EPB41L5: variants seen among roughly 807,000 people sequenced by gnomAD.
The protein encoded by EPB41L5 is erythrocyte membrane protein band 4.1 like 5, also known as band 4.1-like protein 5.
A neutral mutation model predicts 106.6 loss-of-function variants in EPB41L5; 55 were observed. The observed-to-expected ratio is 0.52, with a 90% CI of 0.42 to 0.65. EPB41L5 has a LOEUF of 0.65. Ranked by LOEUF, EPB41L5 falls within the 30% of genes least tolerant of loss-of-function variation. The pLI is 0.00. For synonymous variants in EPB41L5, 297 were observed against 306.7 expected, an observed-to-expected ratio of 0.97 and a Z score of 0.33; for missense variants, 871 against 882.1, an observed-to-expected ratio of 0.99 and a Z score of 0.16.
At chr2:120,087,115 C>T (rs2105356618) in intron 10 of EPB41L5, 56 bp from the exon 11 acceptor site, 2 of 1,096,916 alleles carry the variant, frequency 1.8e-6, no homozygotes, top group East Asian at 2.4e-5. Context: ...CAATTTTTTT[C>T]ATATTTAGAG....
At chr2:120,126,819 C>G (rs564984755) in intron 16 of EPB41L5, among the ~76,000 whole-genome samples, 79 of 152,270 alleles carry the variant, frequency 5.2e-4, no homozygotes, top group Non-Finnish European at 1.0e-3. Flanking sequence ...AAAAATCCTG[C>G]TGGGATTTCG....
chr2:120,014,989 A>G lies in EPB41L5; in HGVS notation c.-9+1779A>G, dbSNP rs1386242879. Reference sequence around the variant, plus strand: ...CAATCATTAAAAAAAAAAAAAACCCACAACTTTTAGTGATCCATTCATATT... The same window carrying G: ...CAATCATTAAAAAAAAAAAAAACCCGCAACTTTTAGTGATCCATTCATATT... On this transcript the variant is annotated intron_variant, in intron 1 of 24. Coordinates refer to ENST00000263713, the MANE Select transcript of EPB41L5 (RefSeq NM_020909.4). Among the ~76,000 whole-genome samples the G allele has an allele frequency of 2.7e-5, 4 of 149,244 alleles. No homozygotes were observed. The South Asian group carries it at 6.4e-4, about 24-fold the overall frequency.
intron 2 of EPB41L5, among the ~76,000 whole-genome samples, chr2:120,036,214 A>G (rs1679029567): frequency 6.6e-6 from 1 of 152,194 alleles, no homozygotes; most frequent in Admixed American, 6.5e-5. Flanking sequence ...TCCTCCACCA[A>G]ACTCTTAGAG....
At chr2:120,063,954 G>A (rs1031271343) in intron 3 of EPB41L5, among the ~76,000 whole-genome samples, 1 of 151,034 alleles carries the variant, frequency 6.6e-6, no homozygotes, top group African/African-American at 2.4e-5. Flanking sequence ...AAAAAAAAAA[G>A]AAAAAAGAAA....
At chr2:120,150,657 A>C (rs543771724) in intron 20 of EPB41L5, among the ~76,000 whole-genome samples, 1 of 150,422 alleles carries the variant, frequency 6.6e-6, no homozygotes, top group East Asian at 2.0e-4. Flanking sequence ...ATTTATTTTT[A>C]TTTCTTTTTT....
In EPB41L5 at chr2:120,024,885, G is replaced by A. The variant is rs1415954342; in HGVS notation, c.180+5621G>A. On this transcript the variant is annotated intron_variant, in intron 2 of 24. Coordinates refer to ENST00000263713, the MANE Select transcript of EPB41L5 (RefSeq NM_020909.4). ...GATCATGGTGGATGAGCTTTTTGAT[G>A]TGCCGCTGGATTCGGTTCGCCAGTA... Among the ~76,000 whole-genome samples, 3 of 152,218 alleles carry A rather than the reference G, an allele frequency of 2.0e-5. No individual in the cohort carries two copies. The East Asian group carries it at 5.8e-4, about 29-fold the overall frequency.
intron 14 of EPB41L5, among the ~76,000 whole-genome samples, chr2:120,094,947 T>C (rs1683645999): frequency 1.3e-5 from 2 of 152,224 alleles, no homozygotes; most frequent in Non-Finnish European, 2.9e-5. Flanking sequence ...ATTGAGACTT[T>C]TTTTATGGCC....
In EPB41L5 at chr2:120,048,279, C is replaced by T. The variant is rs187834331; in HGVS notation, c.285+6169C>T. ...CTCTGGTAGAATTCGGCTGTGAATC[C>T]GTCTGGTCCTGGGCTTTTTTTTGGT... On this transcript the variant is annotated intron_variant, in intron 3 of 24. Transcript: ENST00000263713. Among the ~76,000 whole-genome samples the T allele has an allele frequency of 3.6e-3, 546 of 152,178 alleles. 3 individuals carry two copies. Among genetic ancestry groups the T allele is most frequent in the African/African-American group, 0.012 (496 of 41,514 alleles).
intron 2 of EPB41L5, among the ~76,000 whole-genome samples, chr2:120,019,911 ATT>A (rs5833811): frequency 2.3e-3 from 347 of 149,814 alleles, no homozygotes; most frequent in African/African-American, 4.9e-3. Context: ...TTTTGGATAG[ATT>A]TTTTTTTTTT....
intron 1 of EPB41L5, among the ~76,000 whole-genome samples, chr2:120,015,688 C>T (rs1238340620): frequency 3.3e-5 from 5 of 151,916 alleles, no homozygotes; most frequent in African/African-American, 7.3e-5. Flanking sequence ...CGTGTAATCC[C>T]AGCACTTTGG....
chr2:120,083,991 T>A (rs1682879587), intron 10 of EPB41L5, among the ~76,000 whole-genome samples: 2 of 152,196 alleles, frequency 1.3e-5, no homozygotes, highest in South Asian at 2.1e-4. Context: ...AGCCTATGTG[T>A]GTCTCTGCAC....
intron 21 of EPB41L5, among the ~76,000 whole-genome samples, 191 bp downstream of exon 21, chr2:120,161,165 C>T (rs926084319): frequency 6.6e-6 from 1 of 151,420 alleles, no homozygotes; most frequent in Admixed American, 6.6e-5. Flanking sequence ...ACCACTTGAG[C>T]TCAGGAGTTC....
chr2:120,033,605 G>A (rs1325771546), intron 2 of EPB41L5, among the ~76,000 whole-genome samples: 6 of 151,188 alleles, frequency 4.0e-5, no homozygotes, highest in Non-Finnish European at 7.4e-5. Context: ...TACTTGGGAG[G>A]CTGAGGCAAG....
At chr2:120,013,442 G>C (rs1038477635) in intron 1 of EPB41L5, 1 of 152,118 alleles carries the variant, frequency 6.6e-6, no homozygotes, top group Non-Finnish European at 1.5e-5. Context: ...AGTTTCGGTC[G>C]ATACCGCGCG....
At chr2:120,156,532 G>C (rs1361582879) in intron 20 of EPB41L5, among the ~76,000 whole-genome samples, 1 of 152,182 alleles carries the variant, frequency 6.6e-6, no homozygotes, top group Non-Finnish European at 1.5e-5. Flanking sequence ...AGGAGGGCAT[G>C]TCTCTCCCGT....
At chr2:120,059,063 A>G (rs189899367) in intron 3 of EPB41L5, among the ~76,000 whole-genome samples, 21 of 152,368 alleles carry the variant, frequency 1.4e-4, no homozygotes, top group Middle Eastern at 6.8e-3. Flanking sequence ...GACTTACTAT[A>G]TAGCTTTCAT....
intron 5 of EPB41L5, among the ~76,000 whole-genome samples, chr2:120,075,247 A>G (rs1271758311): frequency 6.6e-6 from 1 of 152,180 alleles, no homozygotes. Flanking sequence ...TCTAGCATAA[A>G]GAAGAGAAAA....
chr2:120,045,304 A>T (rs893487778), intron 3 of EPB41L5, among the ~76,000 whole-genome samples: 2 of 152,112 alleles, frequency 1.3e-5, no homozygotes, highest in Admixed American at 6.6e-5. Flanking sequence ...CTGTTTTTAA[A>T]ATTGTTTACT....
chr2:120,083,486 G>A (rs1349276292), intron 10 of EPB41L5, among the ~76,000 whole-genome samples: 1 of 152,106 alleles, frequency 6.6e-6, no homozygotes, highest in Non-Finnish European at 1.5e-5. Context: ...TATAATTTCT[G>A]TTCTTTTACA....
Sources: gnomAD v4.1 joint callset for allele counts (sites outside exome capture counted in the v4.1 genomes callset) on GRCh38, gnomAD v4.1.1 for gene constraint, MANE v1.5 for transcripts, NCBI Gene and HGNC (gene_info 2026-07-23, HGNC 2026-07-21) for gene names.